The following PADI4 variants were observed in gnomAD, a reference collection of about 807,000 sequenced individuals.
PADI4 encodes the protein protein-arginine deiminase type-4.
PADI4 carries 62 observed loss-of-function variants against 75.0 expected under a neutral mutation model. That is an observed-to-expected ratio of 0.83 (90% CI 0.67 to 1.02). The LOEUF (loss-of-function observed/expected upper bound fraction) is 1.02. PADI4 is among the 50% of genes least tolerant of loss of function. The probability of loss-of-function intolerance (pLI) is 0.00; values close to 1 mark genes in which losing one functional copy is unlikely to be tolerated. For missense variants in PADI4, 845 were observed against 850.5 expected, an observed-to-expected ratio of 0.99 and a Z score of 0.08; for synonymous variants, 361 against 348.1, an observed-to-expected ratio of 1.04 and a Z score of -0.41.
At chr1:17,320,849 G>A (rs2074021159) in intron 1 of PADI4, among the ~76,000 whole-genome samples, 1 of 152,178 alleles carries the variant, frequency 6.6e-6, no homozygotes, top group African/African-American at 2.4e-5. Flanking sequence ...GCAGATCTCA[G>A]CCTTATTTTA....
At chr1:17,355,524 G>A (rs1037300178) in intron 11 of PADI4, among the ~76,000 whole-genome samples, 1 of 133,762 alleles carries the variant, frequency 7.5e-6, no homozygotes, top group Non-Finnish European at 1.6e-5. Flanking sequence ...GGGCAACAGA[G>A]CAAGACTCTG....
At chr1:17,341,019 TC>T (rs1167267001) in intron 6 of PADI4, among the ~76,000 whole-genome samples, 1 of 151,662 alleles carries the variant, frequency 6.6e-6, no homozygotes, top group Non-Finnish European at 1.5e-5. Flanking sequence ...CAGACAGGTC[TC>T]GAACTCCTGA....
At chr1:17,314,984 C>A (rs2073907120) in intron 1 of PADI4, among the ~76,000 whole-genome samples, 1 of 152,212 alleles carries the variant, frequency 6.6e-6, no homozygotes, top group African/African-American at 2.4e-5. Flanking sequence ...CAGGTCAGTG[C>A]CACCCGGGGT....
intron 1 of PADI4, among the ~76,000 whole-genome samples, chr1:17,313,044 G>C (rs977475092): frequency 6.6e-6 from 1 of 151,774 alleles, no homozygotes; most frequent in Non-Finnish European, 1.5e-5. Flanking sequence ...ACAAAAATTA[G>C]CTGAGCATGG....
chr1:17,363,609 G>C lies in PADI4; in HGVS notation c.1846G>C (p.Val616Leu). ...CGGCCGCTGCTGCCTGGAGGAGAAGGTGTGTTCCCTGCTGGAGCCACTGGG... is the reference window on the plus strand; with the variant it reads ...CGGCCGCTGCTGCCTGGAGGAGAAGCTGTGTTCCCTGCTGGAGCCACTGGG... ...INGRCCLEEK[V>L]CSLLEPLGLQ... The change falls in exon 16 of 16, where the codon GTG becomes CTG. Residue 616 changes from valine to leucine, a missense_variant. Coordinates refer to ENST00000375448, the MANE Select transcript of PADI4 (RefSeq NM_012387.3). 6.2e-7 allele frequency: 1 copy of C among 1,614,188 alleles called. No individual in the cohort carries two copies. The highest frequency in any genetic ancestry group is 8.5e-7 in the Non-Finnish European group (1 of 1,180,008).
At chr1:17,331,444 G>C (rs2074210456) in intron 2 of PADI4, among the ~76,000 whole-genome samples, 1 of 152,244 alleles carries the variant, frequency 6.6e-6, no homozygotes, top group Non-Finnish European at 1.5e-5. Flanking sequence ...AAATGAATAA[G>C]ACAGCTGAGG....
intron 1 of PADI4, among the ~76,000 whole-genome samples, chr1:17,330,399 G>A (rs571530967): frequency 2.6e-5 from 4 of 152,148 alleles, no homozygotes; most frequent in African/African-American, 9.7e-5. Flanking sequence ...TTATTAGGGA[G>A]AACTGGCTCA....
intron 10 of PADI4, 88 bp from the exon 11 acceptor site, chr1:17,354,445 C>T (rs2074724005): frequency 1.7e-6 from 2 of 1,155,244 alleles, no homozygotes; most frequent in South Asian, 1.2e-5. Flanking sequence ...ACTTCCTGTG[C>T]CCAAGTTCAT....
intron 13 of PADI4, 60 bp from the exon 14 acceptor site, chr1:17,358,778 G>T: frequency 8.9e-7 from 1 of 1,127,434 alleles, no homozygotes; most frequent in South Asian, 1.3e-5. Context: ...GGCACTGGCT[G>T]GGAAGAGGGA....
intron 15 of PADI4, among the ~76,000 whole-genome samples, chr1:17,361,163 G>T (rs2074842755): frequency 6.6e-6 from 1 of 152,214 alleles, no homozygotes; most frequent in South Asian, 2.1e-4. Context: ...CCCACCTGGG[G>T]CTCCGGGGTG....
intron 10 of PADI4, among the ~76,000 whole-genome samples, chr1:17,352,249 A>AGATGGGAGGTGGTAAGAGG (rs2074676017): frequency 7.5e-6 from 1 of 134,116 alleles, no homozygotes; most frequent in African/African-American, 3.4e-5. Context: ...GTGGTAGCAG[A>AGATGGGAGGTGGTAAGAGG]GGTGGTCAAG....
chr1:17,349,714 A>AAAAG (rs1553148554), intron 10 of PADI4, among the ~76,000 whole-genome samples: 28,767 of 115,996 alleles, frequency 0.25, 7,407 homozygotes, highest in Non-Finnish European at 0.29. Context: ...AAAAAAAAAA[A>AAAAG]AAAGAAAGAA....
At chr1:17,333,818 C>G (rs1188242212) in intron 2 of PADI4, 125 bp from the exon 3 acceptor site, 1 of 699,440 alleles carries the variant, frequency 1.4e-6, no homozygotes, top group Non-Finnish European at 2.6e-6. Flanking sequence ...TCCTTACAGG[C>G]TAGGACCAGT....
chr1:17,321,244 G>C (rs2074027764), intron 1 of PADI4, among the ~76,000 whole-genome samples: 1 of 152,164 alleles, frequency 6.6e-6, no homozygotes, highest in South Asian at 2.1e-4. Flanking sequence ...GAGAAGCAAA[G>C]CCCGGGAGAT....
At chr1:17,355,408 G>C (rs2074743009) in intron 11 of PADI4, among the ~76,000 whole-genome samples, 1 of 152,126 alleles carries the variant, frequency 6.6e-6, no homozygotes, top group Admixed American at 6.5e-5. Context: ...AATTAGCTGG[G>C]CCTGGTGATG....
At chr1:17,338,208 C>G in intron 5 of PADI4, 53 bp downstream of exon 5, 1 of 1,132,564 alleles carries the variant, frequency 8.8e-7, no homozygotes, top group Non-Finnish European at 1.3e-6. Context: ...GCCCTTTTGC[C>G]CACATAGCCT....
chr1:17,339,639 G>C, intron 5 of PADI4, 49 bp from the exon 6 acceptor site: 1 of 1,606,982 alleles, frequency 6.2e-7, no homozygotes, highest in Non-Finnish European at 8.5e-7. Flanking sequence ...TGGGAAACCA[G>C]CAGCGGTCTC....
At chr1:17,355,901 C>A in intron 11 of PADI4, 82 bp from the exon 12 acceptor site, 1 of 1,479,708 alleles carries the variant, frequency 6.8e-7, no homozygotes, top group Non-Finnish European at 9.4e-7. Context: ...GAACCCTGAC[C>A]TTTTTGCCAA....
chr1:17,316,485 C>A (rs1300578828), intron 1 of PADI4, among the ~76,000 whole-genome samples: 2 of 151,238 alleles, frequency 1.3e-5, no homozygotes, highest in African/African-American at 4.9e-5. Context: ...GTCAGGAGAT[C>A]GAGACCATCC....
Sources: gnomAD v4.1 joint callset for allele counts (sites outside exome capture counted in the v4.1 genomes callset) on GRCh38, gnomAD v4.1.1 for gene constraint, MANE v1.5 for transcripts, NCBI Gene and HGNC (gene_info 2026-07-23, HGNC 2026-07-21) for gene names.